The following GRIK5 variants were observed in gnomAD, a reference collection of about 807,000 sequenced individuals.
The protein encoded by GRIK5 is glutamate receptor ionotropic, kainate 5.
In GRIK5, 43 loss-of-function variants were observed where a neutral mutation model predicts 97.4. That is an observed-to-expected ratio of 0.44 (90% confidence interval 0.35 to 0.57). The LOEUF (loss-of-function observed/expected upper bound fraction) is 0.57, where lower values mean the gene tolerates loss of function less well. GRIK5 is among the 20% of genes least tolerant of loss of function. GRIK5 has a pLI of 0.01. For synonymous variants in GRIK5, 580 were observed against 583.5 expected (o/e 0.99, Z 0.09); for missense variants, 1,015 against 1,382.0 (o/e 0.73, Z 4.21).
intron 15 of GRIK5, among the ~76,000 whole-genome samples, chr19:42,011,252 T>C (rs1485757094): frequency 6.6e-6 from 1 of 152,064 alleles, no homozygotes; most frequent in Non-Finnish European, 1.5e-5. Context: ...TGGTATAATG[T>C]TACTTGAAAG....
At chr19:42,058,860 A>G (rs1375389140) in intron 6 of GRIK5, among the ~76,000 whole-genome samples, 2 of 151,926 alleles carry the variant, frequency 1.3e-5, no homozygotes, top group South Asian at 2.1e-4. Flanking sequence ...AAAAAAATAC[A>G]TGCAAAAACA....
chr19:42,053,767 T>C (rs2076145881), intron 10 of GRIK5, 58 bp from the exon 11 acceptor site: 3 of 1,549,454 alleles, frequency 1.9e-6, no homozygotes, highest in Non-Finnish European at 2.7e-6. Flanking sequence ...TGGCAGCCTC[T>C]GGGCCCGCCC....
intron 6 of GRIK5, 83 bp downstream of exon 6, chr19:42,059,266 G>A (rs1599844566): frequency 4.7e-6 from 5 of 1,053,744 alleles, no homozygotes; most frequent in African/African-American, 3.1e-5. Flanking sequence ...TGACTCCTGA[G>A]GCCCATGGGC....
Position 42,003,418 on chromosome 19 carries a change from C to A in GRIK5, c.2428G>T (p.Val810Leu). Residue 810 changes from valine (V) to leucine (L), a missense_variant, in exon 19 of 20, where the codon GTG becomes TTG. By Grantham distance (32) the Val-to-Leu change is conservative. Around this residue, in one of 5 missense-constraint regions of GRIK5, gnomAD observed 229 missense variants for 341.0 expected, o/e 0.67. Coordinates refer to ENST00000593562, the MANE Select transcript of GRIK5 (RefSeq NM_002088.5). This position sits in a 1 kb window ranked among gnomAD's most constrained non-coding sequence, Gnocchi z 4.2. ...GMENIGGIFI[V>L]LICGLIIAVF... is the part of the protein sequence containing the mutation. ...GCAATGATGAGGCCACAGATGAGCA[C>A]GATAAAAATGCCACCAATGTTCTCC... 1 of 1,613,596 alleles carries A rather than the reference C, an allele frequency of 6.2e-7. No individual in the cohort carries two copies. The highest frequency in any genetic ancestry group is 8.5e-7 in the Non-Finnish European group (1 of 1,179,784).
Position 42,059,539 on chromosome 19 carries a change from G to T in GRIK5, c.509-12C>A. 1 of 1,606,314 alleles carries T rather than the reference G, an allele frequency of 6.2e-7. No individual in the cohort carries two copies. The highest frequency in any genetic ancestry group is 8.5e-7 in the Non-Finnish European group (1 of 1,176,682). ...CAATCGCAGCAGGCCTGAGGGAGGGGTGGGGCCTTGGGTTGGAGCCCTTCT... is the reference window on the plus strand; with the variant it reads ...CAATCGCAGCAGGCCTGAGGGAGGGTTGGGGCCTTGGGTTGGAGCCCTTCT... On this transcript the variant is annotated splice_polypyrimidine_tract_variant and intron_variant, in intron 5 of 19. Transcript: ENST00000593562.
chr19:42,042,695 C>A lies in GRIK5; in HGVS notation c.1330G>T (p.Glu444Ter). ...CGCAGCATGTCCACGCAGAAGCCCT[C>A]GAAGCGTTCGTTCCCCGACAGGGCC... is the stretch of plus-strand genomic sequence containing the variant. ...FQALSGNERF[E>*]GFCVDMLREL... The change falls in exon 12 of 20, where the codon GAG becomes TAG. Residue 444 changes from glutamate to a stop codon, truncating the protein, a stop_gained. Coordinates refer to ENST00000593562, the MANE Select transcript of GRIK5 (RefSeq NM_002088.5). LOFTEE classifies it high-confidence loss of function. This position sits in a 1 kb window ranked among gnomAD's most constrained non-coding sequence, Gnocchi z 6.9. The A allele has an allele frequency of 1.2e-6, 2 of 1,613,686 alleles. No homozygotes were observed. The highest frequency in any genetic ancestry group is 1.7e-6 in the Non-Finnish European group (2 of 1,180,000).
Position 42,002,260 on chromosome 19 carries a change from A to T in GRIK5, c.2514+1072T>A. ...ACCCCCCACTGCTGCCAAGGCTGTA[A>T]AGAGAAGGGAAGAAAGTGGGCGGTG... On this transcript the variant is annotated intron_variant, in intron 19 of 19. Transcript: ENST00000593562. This position sits in a 1 kb window ranked among gnomAD's most constrained non-coding sequence, Gnocchi z 5.2. The T allele has an allele frequency of 1.4e-6, 1 of 717,682 alleles. No individual in the cohort carries two copies. The highest frequency in any genetic ancestry group is 2.6e-6 in the Non-Finnish European group (1 of 385,114). 44.5% of individuals were successfully genotyped at this position (717,682 alleles called of 1,614,324 possible). A position where few individuals can be genotyped will look rare whatever the true frequency, so the allele number is the denominator to read the frequency against.
Position 42,042,449 on chromosome 19 carries a change from G to A in GRIK5, c.1473+103C>T, listed in dbSNP as rs1271732048. ...GCCCTTCATGGCTCCTTCCTCTTCTGCCACCAGCCAGGCTGCTTCTGAGGT... is the reference window on the plus strand; with the variant it reads ...GCCCTTCATGGCTCCTTCCTCTTCTACCACCAGCCAGGCTGCTTCTGAGGT... On this transcript the variant is annotated intron_variant, in intron 12 of 19. Transcript: ENST00000593562. The surrounding 1 kb of genome is among the most constrained non-coding windows in gnomAD (Gnocchi z 6.9). The A allele has an allele frequency of 2.2e-5, 22 of 1,013,682 alleles. No individual in the cohort carries two copies. The East Asian group carries it at 5.3e-4, about 24-fold the overall frequency. 62.8% of individuals were successfully genotyped at this position (1,013,682 alleles called of 1,614,324 possible). A position where few individuals can be genotyped will look rare whatever the true frequency, so the allele number is the denominator to read the frequency against.
At chr19:42,024,269 C>T (rs1364137273) in intron 12 of GRIK5, among the ~76,000 whole-genome samples, 1 of 150,372 alleles carries the variant, frequency 6.7e-6, no homozygotes, top group Non-Finnish European at 1.5e-5. Flanking sequence ...CTGGAGTGCA[C>T]TGGTGCAATC....
chr19:42,059,827 G>A (rs1363336814), intron 5 of GRIK5, among the ~76,000 whole-genome samples: 1 of 151,974 alleles, frequency 6.6e-6, no homozygotes, highest in Non-Finnish European at 1.5e-5. Context: ...CAACCACCAC[G>A]GCTTCCCCAT....
intron 12 of GRIK5, among the ~76,000 whole-genome samples, chr19:42,037,079 G>A (rs1318457055): frequency 5.3e-5 from 8 of 152,210 alleles, no homozygotes; most frequent in South Asian, 2.1e-4. Context: ...CATACAGACC[G>A]CCTCAAGAAA....
intron 1 of GRIK5, chr19:42,068,675 G>T: frequency 4.6e-6 from 2 of 438,342 alleles, no homozygotes; most frequent in South Asian, 5.3e-5. Context: ...AGCCAGGGTG[G>T]AGGAGTTCTG....
intron 3 of GRIK5, chr19:42,063,490 G>A (rs2076287788): frequency 2.6e-6 from 1 of 387,578 alleles, no homozygotes; most frequent in Non-Finnish European, 5.2e-6. Context: ...GCAGGCCTTG[G>A]GGAGTCACAG....
In GRIK5 at chr19:42,006,501, CAT is replaced by C. The variant is rs1213032460; in HGVS notation, c.2037+142_2037+143del. ...GCCAGCTGCGAGCCCCATGACAGCA[CAT>C]GTGTGTTTTCTGCTCCCCAGCCTCC... On this transcript the variant is annotated intron_variant, in intron 16 of 19. Coordinates refer to ENST00000593562, the MANE Select transcript of GRIK5 (RefSeq NM_002088.5). This position sits in a 1 kb window ranked among gnomAD's most constrained non-coding sequence, Gnocchi z 5.3. 1.6e-5 allele frequency: 11 copies of C among 701,644 alleles called. No homozygotes were observed. The highest frequency in any genetic ancestry group is 3.5e-5 in the African/African-American group (2 of 56,562). The allele number at this position is 701,644 out of a possible 1,614,324, so 43.5% of individuals were successfully genotyped here.
At position 42,022,411 on chromosome 19, in the gene GRIK5, G is replaced by T; in HGVS notation, c.1474-57C>A. 6.5e-7 allele frequency: 1 copy of T among 1,540,900 alleles called. No individual in the cohort carries two copies. The highest frequency in any genetic ancestry group is 1.1e-5 in the South Asian group (1 of 88,396). ...GGGGACAGAGGGGAAGACAGAAGTG[G>T]ACAGTTAGAGAGAAATGCACGGAGA... On this transcript the variant is annotated intron_variant, in intron 12 of 19. Transcript: ENST00000593562. The surrounding 1 kb of genome is among the most constrained non-coding windows in gnomAD (Gnocchi z 4.2).
chr19:42,034,377 A>T (rs2075876480), intron 12 of GRIK5, among the ~76,000 whole-genome samples: 1 of 152,134 alleles, frequency 6.6e-6, no homozygotes, highest in Non-Finnish European at 1.5e-5. Context: ...CTGTTTCAAA[A>T]ACTAAAAAAT....
In GRIK5 at chr19:42,002,014, G is replaced by A; in HGVS notation, c.2514+1318C>T. The A allele has an allele frequency of 3.2e-6, 2 of 628,026 alleles. No homozygotes were observed. Among genetic ancestry groups the A allele is most frequent in the Non-Finnish European group, 5.7e-6 (2 of 348,072 alleles). The allele number at this position is 628,026 out of a possible 1,614,324, so 38.9% of individuals were successfully genotyped here. ...GGGAGCCTGGGAAGGAGTGACCGGA[G>A]AAGTGGGAGAAGGGGAAGAAGGGGC... On this transcript the variant is annotated intron_variant, in intron 19 of 19. Coordinates refer to ENST00000593562, the MANE Select transcript of GRIK5 (RefSeq NM_002088.5). The surrounding 1 kb of genome is among the most constrained non-coding windows in gnomAD (Gnocchi z 5.2).
At position 42,069,277 on chromosome 19, in the gene GRIK5, G is replaced by T. The variant is rs2076389144; in HGVS notation, c.-87C>A. 5.3e-6 allele frequency: 1 copy of T among 189,032 alleles called. No individual in the cohort carries two copies. Among genetic ancestry groups the T allele is most frequent in the East Asian group, 1.1e-4 (1 of 8,808 alleles). 11.7% of individuals were successfully genotyped at this position (189,032 alleles called of 1,614,324 possible). A position where few individuals can be genotyped will look rare whatever the true frequency, so the allele number is the denominator to read the frequency against. On this transcript the variant is annotated 5_prime_UTR_variant, in exon 1 of 20. Coordinates refer to ENST00000593562, the MANE Select transcript of GRIK5 (RefSeq NM_002088.5). ...GGACGGAGGGCTGGGCTCCCTCGAGGCCCGAAGACCGACAGCGGGAGGTGC... is the reference window on the plus strand; with the variant it reads ...GGACGGAGGGCTGGGCTCCCTCGAGTCCCGAAGACCGACAGCGGGAGGTGC...
At chr19:42,040,305 T>G (rs547709667) in intron 12 of GRIK5, among the ~76,000 whole-genome samples, 1 of 152,290 alleles carries the variant, frequency 6.6e-6, no homozygotes, top group African/African-American at 2.4e-5. Context: ...CAGCTGTAAA[T>G]AAGAACTGTT....
Sources: gnomAD v4.1 joint callset for allele counts (sites outside exome capture counted in the v4.1 genomes callset) on GRCh38, gnomAD v4.1.1 for gene constraint, gnomAD v4.1.1 regional missense constraint, Gnocchi (gnomAD v3.1) non-coding constraint, MANE v1.5 for transcripts, NCBI Gene and HGNC (gene_info 2026-07-23, HGNC 2026-07-21) for gene names.